Variants in PTK7 observed in about 807,000 individuals in gnomAD.
PTK7 encodes the protein protein tyrosine kinase 7 (inactive).
In PTK7, 39 loss-of-function variants were observed where a neutral mutation model predicts 116.6. The observed-to-expected ratio is 0.33, with a 90% CI of 0.26 to 0.44. The LOEUF (loss-of-function observed/expected upper bound fraction) is 0.44, where lower values mean the gene tolerates loss of function less well. Ranked by LOEUF, PTK7 falls within the 20% of genes least tolerant of loss-of-function variation. The pLI, the probability that PTK7 is intolerant of heterozygous loss-of-function variation, is 1.00. For synonymous variants in PTK7, 546 were observed against 563.6 expected, an observed-to-expected ratio of 0.97 and a Z score of 0.44; for missense variants, 1,169 against 1,425.6, an observed-to-expected ratio of 0.82 and a Z score of 2.90.
intron 1 of PTK7, among the ~76,000 whole-genome samples, chr6:43,126,789 T>A (rs1393903106): frequency 6.6e-6 from 1 of 152,180 alleles, no homozygotes; most frequent in Non-Finnish European, 1.5e-5. Context: ...TTTGGAAATG[T>A]GTAGGGATGT....
chr6:43,141,630 C>G lies in PTK7; in HGVS notation c.1619-38C>G. 1 of 1,605,920 alleles carries G rather than the reference C, an allele frequency of 6.2e-7. No homozygotes were observed. The highest frequency in any genetic ancestry group is 1.1e-5 in the South Asian group (1 of 90,314). ...GGCATTGCCAGCTGTCTGTGTAACC[C>G]TGATCCTTCCCATAATTTCCCTTTG... On this transcript the variant is annotated intron_variant, in intron 10 of 19. Coordinates refer to ENST00000230419, the MANE Select transcript of PTK7 (RefSeq NM_002821.5). The surrounding 1 kb of genome is among the most constrained non-coding windows in gnomAD (Gnocchi z 4.9).
At chr6:43,100,004 C>T (rs1479655580) in intron 1 of PTK7, among the ~76,000 whole-genome samples, 3 of 152,128 alleles carry the variant, frequency 2.0e-5, no homozygotes, top group African/African-American at 7.2e-5. Flanking sequence ...TGTGCCACCA[C>T]GCTTGGCTAG....
chr6:43,144,358 G>C (rs763955699), intron 14 of PTK7, 93 bp from the exon 15 acceptor site: 2 of 1,521,904 alleles, frequency 1.3e-6, no homozygotes, highest in African/African-American at 2.7e-5. Context: ...ACCCAAGTTG[G>C]CAAGAGTGGA....
chr6:43,144,469 GGCAGC>G lies in PTK7; in HGVS notation c.2271_2275del (p.Gln758LeufsTer28). ...TTCCCAGGTGGGCCTTTGCAGAACGGGCAGCCCTCAGCAGAGATCCAAGAAGAAGT... is the reference window on the plus strand; with the variant it reads ...TTCCCAGGTGGGCCTTTGCAGAACGGCCTCAGCAGAGATCCAAGAAGAAGT... On this transcript the variant is annotated frameshift_variant, in exon 15 of 20. Coordinates refer to ENST00000230419, the MANE Select transcript of PTK7 (RefSeq NM_002821.5). LOFTEE classifies it high-confidence loss of function. 1 of 1,614,102 alleles carries G rather than the reference GGCAGC, an allele frequency of 6.2e-7. No individual in the cohort carries two copies. The highest frequency in any genetic ancestry group is 1.3e-5 in the African/African-American group (1 of 75,052).
chr6:43,092,143 G>T (rs1477490671), intron 1 of PTK7, among the ~76,000 whole-genome samples: 1 of 151,640 alleles, frequency 6.6e-6, no homozygotes, highest in Non-Finnish European at 1.5e-5. Flanking sequence ...TTACAGGCGT[G>T]AGCCTCTGTG....
Position 43,130,433 on chromosome 6 carries a change from T to TG in PTK7, c.661+18dup. 3.1e-6 allele frequency: 5 copies of TG among 1,603,142 alleles called. No individual in the cohort carries two copies. The highest frequency in any genetic ancestry group is 4.3e-6 in the Non-Finnish European group (5 of 1,171,646). On this transcript the variant is annotated intron_variant, in intron 4 of 19. Transcript: ENST00000230419. Reference sequence around the variant, plus strand: ...TTGAGCATTGCTGGTGAGCCTGGGGTGGGGGCGGAAGGGATGAGGTGAGCA... The same window carrying TG: ...TTGAGCATTGCTGGTGAGCCTGGGGTGGGGGGCGGAAGGGATGAGGTGAGCA...
At chr6:43,100,806 C>A (rs1767530911) in intron 1 of PTK7, among the ~76,000 whole-genome samples, 1 of 152,054 alleles carries the variant, frequency 6.6e-6, no homozygotes, top group African/African-American at 2.4e-5. Flanking sequence ...CTGTGTAGTT[C>A]AAGTGTCTTG....
chr6:43,122,501 A>G (rs564334790), intron 1 of PTK7, among the ~76,000 whole-genome samples: 3 of 151,972 alleles, frequency 2.0e-5, no homozygotes, highest in Non-Finnish European at 4.4e-5. Flanking sequence ...TTGGGGGTCT[A>G]TGTATGCCCT....
At chr6:43,130,929 G>T (rs1472833832) in intron 5 of PTK7, among the ~76,000 whole-genome samples, 1 of 151,976 alleles carries the variant, frequency 6.6e-6, no homozygotes, top group Admixed American at 6.6e-5. Context: ...TGGGTCTTCT[G>T]GGATGGAAGG....
Position 43,143,606 on chromosome 6 carries a change from T to C in PTK7, c.2237T>C (p.Met746Thr). The C allele has an allele frequency of 6.2e-7, 1 of 1,612,058 alleles. No homozygotes were observed. Among genetic ancestry groups the C allele is most frequent in the East Asian group, 2.2e-5 (1 of 44,860 alleles). ...QKQPEGEEPE[M>T]ECLNGGPLQN... ...CAGCCCGAGGGCGAGGAGCCAGAGA[T>C]GGAATGCCTCAACGGTGAGGGGCCC... Residue 746 changes from methionine (M) to threonine (T), a missense_variant, in exon 14 of 20, where the codon ATG becomes ACG. Transcript: ENST00000230419. The surrounding 1 kb of genome is among the most constrained non-coding windows in gnomAD (Gnocchi z 4.2).
At chr6:43,097,229 A>C (rs1244447447) in intron 1 of PTK7, among the ~76,000 whole-genome samples, 7 of 152,158 alleles carry the variant, frequency 4.6e-5, no homozygotes, top group Admixed American at 4.6e-4. Context: ...TTTTAAAGGG[A>C]AGCTAAACCT....
At chr6:43,089,518 G>C (rs1228906889) in intron 1 of PTK7, among the ~76,000 whole-genome samples, 4 of 152,146 alleles carry the variant, frequency 2.6e-5, no homozygotes, top group Non-Finnish European at 4.4e-5. Context: ...ACAGCCTCAG[G>C]GGGGAGAAAA....
chr6:43,101,236 AGAAAGAAAGAGGCTGGGCGCGGTG>A (rs1469388222), intron 1 of PTK7, among the ~76,000 whole-genome samples: 127 of 147,754 alleles, frequency 8.6e-4, no homozygotes, highest in African/African-American at 4.0e-4. Context: ...AAAGAAAGAA[AGAAAGAAAGAGGCTGGGCGCGGTG>A]GAAAGAAAGA....
intron 17 of PTK7, among the ~76,000 whole-genome samples, chr6:43,155,278 C>G (rs187716193): frequency 6.6e-6 from 1 of 152,174 alleles, no homozygotes; most frequent in East Asian, 1.9e-4. Flanking sequence ...CTACCCCACC[C>G]TCTTGAGTAG....
At position 43,076,453 on chromosome 6, in the gene PTK7, C is replaced by T. The variant is rs1766006930; in HGVS notation, c.-36C>T. The T allele has an allele frequency of 1.3e-6, 2 of 1,512,472 alleles. No homozygotes were observed. The highest frequency in any genetic ancestry group is 1.2e-5 in the South Asian group (1 of 81,236). The allele number at this position is 1,512,472 out of a possible 1,614,324, so 93.7% of individuals were successfully genotyped here. ...CGCGGAGCGCAGTCTGCGCGCCCGC[C>T]GTGCGCCCTCAGCTCCTTTTCCTGA... On this transcript the variant is annotated 5_prime_UTR_variant, in exon 1 of 20. Transcript: ENST00000230419. This position sits in a 1 kb window ranked among gnomAD's most constrained non-coding sequence, Gnocchi z 5.7.
At position 43,129,372 on chromosome 6, in the gene PTK7, C is replaced by A; in HGVS notation, c.367+108C>A. The A allele has an allele frequency of 1.5e-6, 2 of 1,332,000 alleles. No individual in the cohort carries two copies. The highest frequency in any genetic ancestry group is 1.5e-5 in the African/African-American group (1 of 67,920). The allele number at this position is 1,332,000 out of a possible 1,614,324, so 82.5% of individuals were successfully genotyped here. On this transcript the variant is annotated intron_variant, in intron 2 of 19. Coordinates refer to ENST00000230419, the MANE Select transcript of PTK7 (RefSeq NM_002821.5). The surrounding 1 kb of genome is among the most constrained non-coding windows in gnomAD (Gnocchi z 4.5). ...TTCTCCCATTTCCAGTTAAACGGGC[C>A]AGGCAGAATGCATTTATCATCAGCT...
rs1052376645 is a variant in PTK7, at chr6:43,139,999, A to G, written c.1618+474A>G. Among the ~76,000 whole-genome samples, 18 of 152,206 alleles carry G rather than the reference A, an allele frequency of 1.2e-4. No individual in the cohort carries two copies. Among genetic ancestry groups the G allele is most frequent in the Non-Finnish European group, 2.5e-4 (17 of 68,032 alleles). ...CGTGGTGGCACATGCTTGCAATCCCAGCTGCTTAGGAGGCTGAAGCAGGAG... is the reference window on the plus strand; with the variant it reads ...CGTGGTGGCACATGCTTGCAATCCCGGCTGCTTAGGAGGCTGAAGCAGGAG... On this transcript the variant is annotated intron_variant, in intron 10 of 19. Coordinates refer to ENST00000230419, the MANE Select transcript of PTK7 (RefSeq NM_002821.5). This position sits in a 1 kb window ranked among gnomAD's most constrained non-coding sequence, Gnocchi z 4.6.
chr6:43,077,949 G>A (rs1405698522), intron 1 of PTK7, among the ~76,000 whole-genome samples: 1 of 152,220 alleles, frequency 6.6e-6, no homozygotes, highest in South Asian at 2.1e-4. Context: ...GTTATTGCTC[G>A]TGGCAGAATC....
At chr6:43,119,275 G>A (rs1018908458) in intron 1 of PTK7, among the ~76,000 whole-genome samples, 7 of 152,092 alleles carry the variant, frequency 4.6e-5, no homozygotes, top group Non-Finnish European at 5.9e-5. Flanking sequence ...TCTCCTAGGC[G>A]GGAGACAGAG....
Sources: gnomAD v4.1 joint callset for allele counts (sites outside exome capture counted in the v4.1 genomes callset) on GRCh38, gnomAD v4.1.1 for gene constraint, Gnocchi (gnomAD v3.1) non-coding constraint, MANE v1.5 for transcripts, NCBI Gene and HGNC (gene_info 2026-07-23, HGNC 2026-07-21) for gene names.